The following XRCC5 variants were observed in gnomAD, a reference collection of about 807,000 sequenced individuals.
The protein encoded by XRCC5 is X-ray repair cross complementing 5.
Under a neutral mutation model 95.7 loss-of-function variants are expected in XRCC5, and 12 were observed. The observed-to-expected ratio is 0.13, with a 90% CI of 0.08 to 0.20. The LOEUF is 0.20. Ranked by LOEUF, XRCC5 falls within the 10% of genes least tolerant of loss-of-function variation. The pLI, the probability that XRCC5 is intolerant of heterozygous loss-of-function variation, is 1.00. For synonymous variants in XRCC5, 281 were observed against 290.3 expected (o/e 0.97, Z 0.33); for missense variants, 595 against 873.9 (o/e 0.68, Z 4.02).
intron 16 of XRCC5, among the ~76,000 whole-genome samples, chr2:216,176,195 T>C (rs1689271548): frequency 6.6e-6 from 1 of 152,174 alleles, no homozygotes; most frequent in South Asian, 2.1e-4. Context: ...CTTGACTCAC[T>C]GCAACCTCTG....
Position 216,116,756 on chromosome 2 carries a change from C to T in XRCC5, c.233C>T (p.Thr78Ile). The T allele has an allele frequency of 6.2e-7, 1 of 1,614,236 alleles. No individual in the cohort carries two copies. Among genetic ancestry groups the T allele is most frequent in the African/African-American group, 1.3e-5 (1 of 75,064 alleles). Reference protein sequence around the residue: ...LSGGDQYQNITVHRHLMLPDF... With the variant: ...LSGGDQYQNIIVHRHLMLPDF... ...GGTGGGGATCAGTATCAGAACATCA[C>T]AGTGCACAGACATCTGATGCTACCA... The change falls in exon 3 of 21, where the codon ACA (threonine) becomes ATA (isoleucine). Residue 78 changes from threonine to isoleucine, a missense_variant. Thr to Ile is a moderately conservative substitution (Grantham distance 89). This residue lies in a region of XRCC5 where 286 missense variants were observed against 491.1 expected (regional missense o/e 0.58). Coordinates refer to ENST00000392132, the MANE Select transcript of XRCC5 (RefSeq NM_021141.4).
chr2:216,174,484 G>T (rs185300750), intron 16 of XRCC5, among the ~76,000 whole-genome samples: 81 of 152,218 alleles, frequency 5.3e-4, no homozygotes, highest in Non-Finnish European at 8.5e-4. Flanking sequence ...TTAAGTTTCT[G>T]TACTAAAATA....
chr2:216,172,668 G>A (rs946857136), intron 16 of XRCC5, among the ~76,000 whole-genome samples: 4 of 151,768 alleles, frequency 2.6e-5, no homozygotes, highest in Admixed American at 6.6e-5. Flanking sequence ...ACAGGGTTTC[G>A]CCATGTTGAC....
In XRCC5 at chr2:216,116,669, A is replaced by C; in HGVS notation, c.146A>C (p.Glu49Ala). 1 of 1,614,160 alleles carries C rather than the reference A, an allele frequency of 6.2e-7. No individual in the cohort carries two copies. Among genetic ancestry groups the C allele is most frequent in the Non-Finnish European group, 8.5e-7 (1 of 1,180,024 alleles). Residue 49 changes from glutamate to alanine, a missense_variant, in exon 3 of 21, where the codon GAG becomes GCG. Glu to Ala is a moderately radical substitution (Grantham distance 107). Coordinates refer to ENST00000392132, the MANE Select transcript of XRCC5 (RefSeq NM_021141.4). ...TMFVQRQVFA[E>A]NKDEIALVLF... ...GACATTTTTTTCTAGGTGTTTGCTG[A>C]GAACAAGGATGAGATTGCTTTAGTC...
At chr2:216,140,602 A>G (rs1574462594) in intron 12 of XRCC5, among the ~76,000 whole-genome samples, 1 of 152,282 alleles carries the variant, frequency 6.6e-6, no homozygotes, top group African/African-American at 2.4e-5. Flanking sequence ...GTAGGGCAAG[A>G]CATGTACGCA....
At chr2:216,126,098 C>T (rs780342676) in intron 7 of XRCC5, 67 bp downstream of exon 7, 14 of 1,264,178 alleles carry the variant, frequency 1.1e-5, no homozygotes, top group East Asian at 2.4e-5. Flanking sequence ...ATATAAGGAA[C>T]AGACAATTCA....
At chr2:216,114,021 G>A (rs774133892) in intron 2 of XRCC5, among the ~76,000 whole-genome samples, 10 of 152,232 alleles carry the variant, frequency 6.6e-5, no homozygotes, top group East Asian at 1.9e-4. Flanking sequence ...GAGAAAGAAC[G>A]GATGGTGGCT....
intron 16 of XRCC5, among the ~76,000 whole-genome samples, chr2:216,189,908 TAAC>T (rs1363041405): frequency 6.6e-6 from 1 of 152,142 alleles, no homozygotes; most frequent in Non-Finnish European, 1.5e-5. Flanking sequence ...GAAAATAAAA[TAAC>T]AACAACAGCA....
At chr2:216,193,479 A>G (rs1454901679) in intron 18 of XRCC5, among the ~76,000 whole-genome samples, 2 of 152,248 alleles carry the variant, frequency 1.3e-5, no homozygotes, top group Non-Finnish European at 1.5e-5. Flanking sequence ...AATTCTATAT[A>G]AAAAGAATTG....
chr2:216,111,324 C>A, intron 1 of XRCC5: 1 of 416,330 alleles, frequency 2.4e-6, no homozygotes, highest in Non-Finnish European at 4.8e-6. Flanking sequence ...GAGTTTGAGA[C>A]CAGCCTGGGC....
chr2:216,131,150 G>A, intron 9 of XRCC5, 163 bp downstream of exon 9: 1 of 983,606 alleles, frequency 1.0e-6, no homozygotes, highest in Non-Finnish European at 1.2e-6. Flanking sequence ...TTATACATTG[G>A]GAAACTGAGG....
intron 1 of XRCC5, among the ~76,000 whole-genome samples, chr2:216,111,215 A>C (rs1290976661): frequency 1.3e-5 from 2 of 152,090 alleles, no homozygotes; most frequent in Non-Finnish European, 2.9e-5. Context: ...CCTTTTATAC[A>C]ACAGTTGTCA....
intron 16 of XRCC5, among the ~76,000 whole-genome samples, chr2:216,169,308 C>T (rs1406481302): frequency 1.3e-5 from 2 of 152,246 alleles, no homozygotes; most frequent in African/African-American, 2.4e-5. Context: ...TTAAATATTA[C>T]AGTTAGACCC....
At position 216,131,251 on chromosome 2, in the gene XRCC5, A is replaced by G. The variant is rs550536387; in HGVS notation, c.1050+264A>G. On this transcript the variant is annotated intron_variant, in intron 9 of 20. Transcript: ENST00000392132. ...GGGAATGGAAGCGGAGATGAGGGGT[A>G]TTTGAATTATGTGGGCCTAACCCTC... 3.6e-5 allele frequency: 35 copies of G among 985,346 alleles called. 1 individual carries two copies. The Admixed American group carries it at 2.0e-3, about 55-fold the overall frequency. The allele number at this position is 985,346 out of a possible 1,614,324, so 61.0% of individuals were successfully genotyped here.
At chr2:216,172,434 G>A (rs919165000) in intron 16 of XRCC5, among the ~76,000 whole-genome samples, 4 of 142,028 alleles carry the variant, frequency 2.8e-5, no homozygotes, top group Non-Finnish European at 4.6e-5. Context: ...TGTCATTTGC[G>A]TTTCCATGGA....
At position 216,199,834 on chromosome 2, in the gene XRCC5, T is replaced by TA. The variant is rs1553581447; in HGVS notation, c.2110-4487dup. ...TCTTTTTTTTTTTTTTTTTTTTTTTTACCAGATTCCAAGAGGCTGAGCTAT... is the reference window on the plus strand; with the variant it reads ...TCTTTTTTTTTTTTTTTTTTTTTTTTAACCAGATTCCAAGAGGCTGAGCTAT... On this transcript the variant is annotated intron_variant, in intron 19 of 20. Transcript: ENST00000392132. Among the ~76,000 whole-genome samples, 11 of 140,896 alleles carry TA rather than the reference T, an allele frequency of 7.8e-5. No individual in the cohort carries two copies. The South Asian group carries it at 1.4e-3, about 17-fold the overall frequency. 92.4% of individuals were successfully genotyped at this position (140,896 alleles called of 152,430 possible). A position where few individuals can be genotyped will look rare whatever the true frequency, so the allele number is the denominator to read the frequency against.
At chr2:216,190,103 A>T in intron 16 of XRCC5, 122 bp from the exon 17 acceptor site, 1 of 678,322 alleles carries the variant, frequency 1.5e-6, no homozygotes. Flanking sequence ...GAAGTATGGC[A>T]ATTGTGCTTG....
intron 11 of XRCC5, 55 bp from the exon 12 acceptor site, chr2:216,138,034 A>T (rs922276864): frequency 6.9e-7 from 1 of 1,450,434 alleles, no homozygotes; most frequent in Admixed American, 2.0e-5. Context: ...GATCAGTTTT[A>T]TATTTTTTCA....
chr2:216,152,760 T>TG (rs1688768986), intron 14 of XRCC5, among the ~76,000 whole-genome samples: 1 of 151,782 alleles, frequency 6.6e-6, no homozygotes. Flanking sequence ...TGGGCTCAAG[T>TG]GATCTCCCAA....
Sources: gnomAD v4.1 joint callset for allele counts (sites outside exome capture counted in the v4.1 genomes callset) on GRCh38, gnomAD v4.1.1 for gene constraint, gnomAD v4.1.1 regional missense constraint, MANE v1.5 for transcripts, NCBI Gene and HGNC (gene_info 2026-07-23, HGNC 2026-07-21) for gene names.